CCDC7: variants seen among roughly 807,000 people sequenced by gnomAD.
CCDC7 encodes coiled-coil domain-containing protein 7.
A neutral mutation model predicts 196.9 loss-of-function variants in CCDC7; 183 were observed. That is an observed-to-expected ratio of 0.93 (90% confidence interval 0.82 to 1.05). The LOEUF is 1.05. Among genes scored for constraint, CCDC7 ranks in the 50% least tolerant of loss-of-function variants. The pLI is 0.00. For synonymous variants in CCDC7, 525 were observed against 484.6 expected (o/e 1.08, Z -1.10); for missense variants, 1,540 against 1,482.2 (o/e 1.04, Z -0.64).
intron 28 of CCDC7, among the ~76,000 whole-genome samples, chr10:32,756,477 C>A (rs923318691): frequency 6.6e-6 from 1 of 152,090 alleles, no homozygotes; most frequent in Non-Finnish European, 1.5e-5. Context: ...AATTTTCAAC[C>A]CAGAATTTCA....
chr10:32,810,575 T>C (rs1311546879), intron 30 of CCDC7, among the ~76,000 whole-genome samples: 1 of 152,048 alleles, frequency 6.6e-6, no homozygotes, highest in East Asian at 1.9e-4. Context: ...AGCTAGAAAC[T>C]TCAACACCTC....
intron 41 of CCDC7, among the ~76,000 whole-genome samples, chr10:32,870,990 G>T (rs2094407313): frequency 6.6e-6 from 1 of 152,070 alleles, no homozygotes; most frequent in Non-Finnish European, 1.5e-5. Context: ...TGCTGGATTC[G>T]GTTTGCCAGT....
intron 8 of CCDC7, among the ~76,000 whole-genome samples, chr10:32,476,438 AC>A (rs2038995635): frequency 6.6e-6 from 1 of 152,190 alleles, no homozygotes; most frequent in South Asian, 2.1e-4. Context: ...TTATGGATTT[AC>A]TACAATTTAT....
chr10:32,444,952 C>T (rs1281765251), upstream of CCDC7, among the ~76,000 whole-genome samples: 1 of 151,510 alleles, frequency 6.6e-6, no homozygotes. Flanking sequence ...CTCCTGGGTT[C>T]AAGTGATTCT....
At chr10:32,858,107 C>T (rs1030336672) in intron 41 of CCDC7, among the ~76,000 whole-genome samples, 4 of 151,960 alleles carry the variant, frequency 2.6e-5, no homozygotes, top group Non-Finnish European at 4.4e-5. Context: ...CAAACCAATA[C>T]CAAATAAAAA....
At chr10:32,636,022 A>G (rs927240040) in intron 20 of CCDC7, among the ~76,000 whole-genome samples, 1 of 152,108 alleles carries the variant, frequency 6.6e-6, no homozygotes, top group African/African-American at 2.4e-5. Context: ...AAATATTTTA[A>G]ACTTTATTCT....
At chr10:32,604,197 C>A (rs1577373) in intron 18 of CCDC7, among the ~76,000 whole-genome samples, 7 of 152,080 alleles carry the variant, frequency 4.6e-5, no homozygotes, top group African/African-American at 1.7e-4. Flanking sequence ...AGAGTCTCTC[C>A]TATCCCCAGT....
rs564023308 is a variant in CCDC7, at chr10:32,697,200, A to G, written c.2458+2208A>G. 2.6e-5 allele frequency among the ~76,000 whole-genome samples: 4 copies of G among 152,268 alleles called. No homozygotes were observed. In the East Asian group the frequency reaches 7.7e-4, roughly 29 times the overall value. On this transcript the variant is annotated intron_variant, in intron 24 of 41. Coordinates refer to ENST00000639629, the Ensembl canonical transcript of CCDC7. ...ATTAGATTCTCATAAAGAACGCACA[A>G]CCTGGAACCACCCAAGATGGCCGAA...
intron 13 of CCDC7, among the ~76,000 whole-genome samples, chr10:32,547,070 G>A (rs2052596667): frequency 6.6e-6 from 1 of 151,890 alleles, no homozygotes; most frequent in African/African-American, 2.4e-5. Flanking sequence ...CTAGGTTGGA[G>A]TGCAGTGGCA....
intron 33 of CCDC7, among the ~76,000 whole-genome samples, chr10:32,839,239 A>G (rs1188213223): frequency 6.6e-6 from 1 of 151,642 alleles, no homozygotes; most frequent in African/African-American, 2.4e-5. Flanking sequence ...TAGATAAGAA[A>G]AACCTAGTTT....
At chr10:32,623,072 C>A (rs1032964074) in intron 18 of CCDC7, among the ~76,000 whole-genome samples, 1 of 152,094 alleles carries the variant, frequency 6.6e-6, no homozygotes, top group Non-Finnish European at 1.5e-5. Context: ...AAGTTTTCAG[C>A]GTCCCCTACA....
chr10:32,866,200 G>A (rs895463263), intron 41 of CCDC7, among the ~76,000 whole-genome samples: 4 of 151,698 alleles, frequency 2.6e-5, no homozygotes, highest in African/African-American at 9.7e-5. Context: ...CCTTGGGTGT[G>A]TCAATGACTG....
intron 11 of CCDC7, among the ~76,000 whole-genome samples, chr10:32,529,602 G>A (rs1286900747): frequency 1.3e-5 from 2 of 152,006 alleles, no homozygotes; most frequent in Admixed American, 6.6e-5. Flanking sequence ...TCCTTAGCCT[G>A]CTTTTTAGTG....
chr10:32,811,697 C>T (rs891452282), intron 30 of CCDC7, among the ~76,000 whole-genome samples: 11 of 151,928 alleles, frequency 7.2e-5, no homozygotes, highest in East Asian at 3.9e-4. Context: ...TTGAAGAGGA[C>T]GGAATTCTCT....
At chr10:32,701,934 C>T (rs572947768) in intron 24 of CCDC7, among the ~76,000 whole-genome samples, 152 of 152,164 alleles carry the variant, frequency 1.0e-3, no homozygotes, top group African/African-American at 3.3e-3. Flanking sequence ...CTTGCTCTAG[C>T]GGTCTGTCAA....
At chr10:32,719,176 T>C (rs995625266) in intron 25 of CCDC7, among the ~76,000 whole-genome samples, 1 of 151,924 alleles carries the variant, frequency 6.6e-6, no homozygotes, top group African/African-American at 2.4e-5. Context: ...CCAAAACAGA[T>C]ATATAGACCA....
intron 11 of CCDC7, among the ~76,000 whole-genome samples, chr10:32,538,369 G>A (rs1364004340): frequency 6.6e-6 from 1 of 152,174 alleles, no homozygotes; most frequent in African/African-American, 2.4e-5. Context: ...TTGTTCATCA[G>A]CTGAAGGAGA....
chr10:32,481,316 A>G (rs2039921712), intron 8 of CCDC7, among the ~76,000 whole-genome samples: 1 of 152,160 alleles, frequency 6.6e-6, no homozygotes, highest in South Asian at 2.1e-4. Flanking sequence ...TACCTTTAAT[A>G]AATAAGGACT....
At chr10:32,693,031 A>G (rs2077270022) in intron 23 of CCDC7, among the ~76,000 whole-genome samples, 1 of 152,172 alleles carries the variant, frequency 6.6e-6, no homozygotes, top group African/African-American at 2.4e-5. Flanking sequence ...TAGAACAACA[A>G]CTAAAAAGAT....
Sources: allele counts gnomAD v4.1 joint callset (sites outside exome capture counted in the v4.1 genomes callset), GRCh38; gene constraint gnomAD v4.1.1; transcripts MANE v1.5; gene names NCBI Gene and HGNC (gene_info 2026-07-23, HGNC 2026-07-21).